Variants in NEGR1 observed in about 807,000 individuals in gnomAD.
NEGR1 encodes the protein IgLON family member 4.
NEGR1 carries 10 observed loss-of-function variants against 40.9 expected under a neutral mutation model. The ratio of observed to expected loss-of-function variants is 0.24; its 90% CI spans 0.15 to 0.42. The LOEUF (loss-of-function observed/expected upper bound fraction) is 0.42. NEGR1 is among the 10% of genes least tolerant of loss of function. The pLI is 1.00. For synonymous variants in NEGR1, 185 were observed against 166.8 expected (o/e 1.11, Z -0.84); for missense variants, 352 against 438.9 (o/e 0.80, Z 1.77).
intron 4 of NEGR1, among the ~76,000 whole-genome samples, chr1:71,693,078 A>G (rs1653348652): frequency 6.6e-6 from 1 of 151,690 alleles, no homozygotes; most frequent in South Asian, 2.1e-4. Flanking sequence ...GTTCTTCAAA[A>G]TCAGGGCAAT....
intron 1 of NEGR1, among the ~76,000 whole-genome samples, chr1:72,010,823 C>A (rs369471680): frequency 2.0e-5 from 3 of 152,098 alleles, no homozygotes; most frequent in East Asian, 3.9e-4. Context: ...TCTTTAAGCA[C>A]AAGACGTCAT....
chr1:71,932,135 G>GTT (rs1231816773), intron 2 of NEGR1, among the ~76,000 whole-genome samples: 1 of 152,124 alleles, frequency 6.6e-6, no homozygotes, highest in African/African-American at 2.4e-5. Context: ...GAAATGAAAT[G>GTT]TACTTGTGGA....
At chr1:72,058,419 T>A (rs1350209847) in intron 1 of NEGR1, among the ~76,000 whole-genome samples, 1 of 151,620 alleles carries the variant, frequency 6.6e-6, no homozygotes, top group Non-Finnish European at 1.5e-5. Flanking sequence ...CAAAGGGTTC[T>A]ATGAGGTTGT....
At chr1:71,839,469 A>G (rs1310241890) in intron 2 of NEGR1, among the ~76,000 whole-genome samples, 1 of 151,756 alleles carries the variant, frequency 6.6e-6, no homozygotes, top group Non-Finnish European at 1.5e-5. Context: ...CCTCAGAGTC[A>G]CAAAGTGTTG....
At chr1:71,534,613 G>A (rs1426467397) in intron 6 of NEGR1, among the ~76,000 whole-genome samples, 1 of 151,750 alleles carries the variant, frequency 6.6e-6, no homozygotes, top group East Asian at 1.9e-4. Context: ...GCAATTTGTT[G>A]TTATTGAGAA....
At chr1:71,936,213 G>A (rs991629668) in intron 1 of NEGR1, among the ~76,000 whole-genome samples, 1 of 152,166 alleles carries the variant, frequency 6.6e-6, no homozygotes, top group African/African-American at 2.4e-5. Flanking sequence ...GATTGCTGTA[G>A]TCATTAGATA....
At chr1:72,219,766 T>C (rs988951984) in intron 1 of NEGR1, among the ~76,000 whole-genome samples, 1 of 152,108 alleles carries the variant, frequency 6.6e-6, no homozygotes, top group Non-Finnish European at 1.5e-5. Context: ...ATGCTGAAAA[T>C]AGTGCATGGA....
At chr1:71,996,222 T>C (rs1409056965) in intron 1 of NEGR1, among the ~76,000 whole-genome samples, 1 of 152,182 alleles carries the variant, frequency 6.6e-6, no homozygotes, top group Non-Finnish European at 1.5e-5. Context: ...TCATACTTTT[T>C]AGATAAAACA....
At chr1:71,433,114 C>T (rs1480096098) in intron 6 of NEGR1, among the ~76,000 whole-genome samples, 1 of 152,156 alleles carries the variant, frequency 6.6e-6, no homozygotes, top group Non-Finnish European at 1.5e-5. Flanking sequence ...TTCCCTTTTG[C>T]CCTTCTGCCT....
At chr1:71,699,989 A>G (rs1653629026) in intron 3 of NEGR1, among the ~76,000 whole-genome samples, 1 of 151,784 alleles carries the variant, frequency 6.6e-6, no homozygotes. Flanking sequence ...GTCCGATTAA[A>G]CCTCTTTTTC....
rs568848260 is a variant in NEGR1 at position 72,239,041 on chromosome 1, T to C, written c.176+43278A>G. Among the ~76,000 whole-genome samples the C allele has an allele frequency of 4.3e-3, 652 of 151,972 alleles. 2 individuals are homozygous for C. Among genetic ancestry groups the C allele is most frequent in the Non-Finnish European group, 7.4e-3 (504 of 67,846 alleles). On this transcript the variant is annotated intron_variant, in intron 1 of 6. Coordinates refer to ENST00000357731, the MANE Select transcript of NEGR1 (RefSeq NM_173808.3). ...ATTCTACACTCATGGTCTTCCAAAC[T>C]ATTGAGAGATATCTTACTTCACATG...
intron 2 of NEGR1, among the ~76,000 whole-genome samples, chr1:71,886,458 A>G (rs894970043): frequency 1.3e-4 from 19 of 145,046 alleles, no homozygotes; most frequent in African/African-American, 1.7e-4. Flanking sequence ...TTTATGGGGG[A>G]AAAAAAAAAA....
At chr1:71,878,840 T>G (rs900828030) in intron 2 of NEGR1, among the ~76,000 whole-genome samples, 1 of 152,164 alleles carries the variant, frequency 6.6e-6, no homozygotes, top group South Asian at 2.1e-4. Context: ...CTTTAATAAG[T>G]GATATATCTG....
chr1:71,409,323 A>C (rs897479233), intron 6 of NEGR1, among the ~76,000 whole-genome samples: 3 of 152,050 alleles, frequency 2.0e-5, no homozygotes, highest in African/African-American at 7.2e-5. Flanking sequence ...TGTCAAGTGT[A>C]ATAAAACTTG....
chr1:72,077,175 T>G (rs1023398391), intron 1 of NEGR1, among the ~76,000 whole-genome samples: 1 of 152,056 alleles, frequency 6.6e-6, no homozygotes, highest in Non-Finnish European at 1.5e-5. Context: ...ATTACAGACA[T>G]GAGCCACCGT....
chr1:71,663,717 A>T (rs1215727236), intron 4 of NEGR1, among the ~76,000 whole-genome samples: 1 of 152,172 alleles, frequency 6.6e-6, no homozygotes, highest in Non-Finnish European at 1.5e-5. Flanking sequence ...CTATTTTTAA[A>T]TATCTCCGTG....
intron 2 of NEGR1, among the ~76,000 whole-genome samples, chr1:71,799,141 C>T (rs1657454046): frequency 6.6e-6 from 1 of 151,762 alleles, no homozygotes. Context: ...GTTTGCTGCA[C>T]CCATCAACCC....
intron 6 of NEGR1, chr1:71,487,118 A>G (rs1646892731): frequency 1.3e-5 from 2 of 151,658 alleles, no homozygotes; most frequent in East Asian, 3.9e-4. Context: ...AAAAAGATAT[A>G]TCCAGTCTTC....
In NEGR1 at chr1:71,915,356, C is replaced by T. The variant is rs1661545397; in HGVS notation, c.409+19723G>A. 1.3e-5 allele frequency among the ~76,000 whole-genome samples: 2 copies of T among 151,974 alleles called. 1 individual carries two copies. Among genetic ancestry groups the T allele is most frequent in the South Asian group, 4.2e-4 (2 of 4,814 alleles). On this transcript the variant is annotated intron_variant, in intron 2 of 6. Transcript: ENST00000357731. ...AGAAATAAGCAGCTAATATTTATAA[C>T]AAAGTTGTTTGACACATCTATTGAA... is the stretch of plus-strand genomic sequence containing the variant.
Sources: gnomAD v4.1 joint callset for allele counts (sites outside exome capture counted in the v4.1 genomes callset) on GRCh38, gnomAD v4.1.1 for gene constraint, MANE v1.5 for transcripts, NCBI Gene and HGNC (gene_info 2026-07-23, HGNC 2026-07-21) for gene names.